The following BDKRB2 variants were observed in gnomAD, a reference collection of about 807,000 sequenced individuals.
BDKRB2 encodes bradykinin receptor B2, also known as B2 bradykinin receptor.
In BDKRB2, 6 loss-of-function variants were observed where a neutral mutation model predicts 4.0. The observed-to-expected ratio is 1.49, with a 90% CI of 0.81 to 2.93. BDKRB2 has a LOEUF of 2.93. Among genes scored for constraint, BDKRB2 ranks in the 30% most tolerant of loss-of-function variants. The pLI, the probability that BDKRB2 is intolerant of heterozygous loss-of-function variation, is 0.00. For missense variants in BDKRB2, 478 were observed against 520.1 expected (o/e 0.92, Z 0.79); for synonymous variants, 225 against 215.3 (o/e 1.05, Z -0.40).
At chr14:96,205,292 G>C (rs1566685553) in intron 1 of BDKRB2, among the ~76,000 whole-genome samples, 2 of 152,174 alleles carry the variant, frequency 1.3e-5, no homozygotes, top group Admixed American at 1.3e-4. Flanking sequence ...AGGCAGCGAG[G>C]TGTGTGTGGT....
At chr14:96,238,395 A>G (rs984181227) in intron 2 of BDKRB2, 3 of 927,284 alleles carry the variant, frequency 3.2e-6, no homozygotes, top group Non-Finnish European at 3.9e-6. Flanking sequence ...GCCCACGTCC[A>G]GGAGAAGAGG....
At chr14:96,236,990 C>T (rs561993711) in intron 1 of BDKRB2, 79 bp from the exon 2 acceptor site, 1 of 850,994 alleles carries the variant, frequency 1.2e-6, no homozygotes, top group Non-Finnish European at 2.0e-6. Context: ...GTCTCCATTT[C>T]TCCTCCCTGC....
intron 1 of BDKRB2, among the ~76,000 whole-genome samples, chr14:96,211,750 G>A (rs996964097): frequency 7.2e-5 from 11 of 152,118 alleles, no homozygotes; most frequent in Non-Finnish European, 1.0e-4. Context: ...TGTGACCTAG[G>A]GCAAGAGATG....
At chr14:96,206,031 GGAGAAGGGCTT>G (rs1890172181) in intron 1 of BDKRB2, among the ~76,000 whole-genome samples, 1 of 118,312 alleles carries the variant, frequency 8.5e-6, no homozygotes, top group East Asian at 3.2e-4. Flanking sequence ...TTTCTGAGTT[GGAGAAGGGCTT>G]AGGTGGTGGG....
chr14:96,238,988 C>T, intron 2 of BDKRB2: 1 of 985,546 alleles, frequency 1.0e-6, no homozygotes. Context: ...TGTGGGTCCC[C>T]CAGTCTGGCT....
chr14:96,208,631 G>T (rs557390410), intron 1 of BDKRB2, among the ~76,000 whole-genome samples: 1 of 152,256 alleles, frequency 6.6e-6, no homozygotes, highest in Admixed American at 6.5e-5. Flanking sequence ...GGCCTGGGGC[G>T]GTCACAGAGG....
At chr14:96,227,864 C>G (rs1460078358) in intron 1 of BDKRB2, among the ~76,000 whole-genome samples, 1 of 152,174 alleles carries the variant, frequency 6.6e-6, no homozygotes, top group African/African-American at 2.4e-5. Context: ...GACGGAACAC[C>G]CATCAGAGCC....
At chr14:96,210,829 T>G (rs960851630) in intron 1 of BDKRB2, 1 of 152,236 alleles carries the variant, frequency 6.6e-6, no homozygotes, top group Non-Finnish European at 1.5e-5. Context: ...CTCAGGGGAT[T>G]TCAGCCACAC....
intron 1 of BDKRB2, among the ~76,000 whole-genome samples, chr14:96,220,255 T>TG (rs1167259416): frequency 2.0e-5 from 3 of 151,744 alleles, no homozygotes; most frequent in African/African-American, 7.3e-5. Flanking sequence ...TCAGAGGAAA[T>TG]GCCGGGGGTA....
At chr14:96,211,779 G>A (rs547561942) in intron 1 of BDKRB2, among the ~76,000 whole-genome samples, 1 of 152,010 alleles carries the variant, frequency 6.6e-6, no homozygotes, top group Non-Finnish European at 1.5e-5. Flanking sequence ...GGGATCCTTC[G>A]GTTCCTTCAG....
intron 1 of BDKRB2, among the ~76,000 whole-genome samples, chr14:96,215,428 TA>T (rs1890395161): frequency 1.3e-5 from 2 of 150,904 alleles, no homozygotes; most frequent in Admixed American, 1.3e-4. Context: ...TCTCTGTGCA[TA>T]AAGCTTTTCC....
In BDKRB2 at chr14:96,242,698, G is replaced by T. The variant is rs1350330596; in HGVS notation, c.*1194G>T. ...TCTGATTTGTGATGAGGCAGAGGAA[G>T]ATATTTCTAATCGGTCTTGCCCAGA... On this transcript the variant is annotated 3_prime_UTR_variant, in exon 3 of 3. Transcript: ENST00000554311. 2.0e-5 allele frequency: 3 copies of T among 152,444 alleles called. No homozygotes were observed. Among genetic ancestry groups the T allele is most frequent in the East Asian group, 1.9e-4 (1 of 5,178 alleles). 9.4% of individuals were successfully genotyped at this position (152,444 alleles called of 1,614,324 possible).
chr14:96,239,751 A>T (rs1230555005), intron 2 of BDKRB2: 3 of 973,418 alleles, frequency 3.1e-6, no homozygotes, highest in Non-Finnish European at 3.7e-6. Flanking sequence ...CACACGGCTT[A>T]TAAGTAAGGC....
chr14:96,212,730 A>G (rs984805332), intron 1 of BDKRB2, among the ~76,000 whole-genome samples: 1 of 152,200 alleles, frequency 6.6e-6, no homozygotes, highest in African/African-American at 2.4e-5. Context: ...TTGCCTGGGT[A>G]GGAGTTTCCA....
chr14:96,232,905 G>A (rs1027775894), intron 1 of BDKRB2, among the ~76,000 whole-genome samples: 2 of 152,202 alleles, frequency 1.3e-5, no homozygotes, highest in South Asian at 2.1e-4. Flanking sequence ...CCACTTCCGA[G>A]TTCTTGGTTG....
In BDKRB2 at chr14:96,204,906, GC is replaced by G; in HGVS notation, c.-89del. 3.1e-6 allele frequency: 1 copy of G among 318,656 alleles called. No homozygotes were observed. Among genetic ancestry groups the G allele is most frequent in the Admixed American group, 4.0e-5 (1 of 25,232 alleles). 19.7% of individuals were successfully genotyped at this position (318,656 alleles called of 1,614,324 possible). ...GTGGGGACGGTGGGGACATCAGGCT[GC>G]CCCGCAGTACCAGGGAGCGACTGAA... is the stretch of plus-strand genomic sequence containing the variant. On this transcript the variant is annotated 5_prime_UTR_variant, in exon 1 of 3. Coordinates refer to ENST00000554311, the MANE Select transcript of BDKRB2 (RefSeq NM_001379692.1).
At chr14:96,238,816 C>T (rs552015468) in intron 2 of BDKRB2, 107 of 985,888 alleles carry the variant, frequency 1.1e-4, no homozygotes, top group South Asian at 1.4e-4. Flanking sequence ...GTCCCACAAC[C>T]CCCCTGCTCC....
At position 96,241,046 on chromosome 14, in the gene BDKRB2, A is replaced by G. The variant is rs1885275544; in HGVS notation, c.718A>G (p.Ile240Val). Residue 240 changes from isoleucine to valine, a missense_variant, in exon 3 of 3, where the codon ATC (isoleucine) becomes GTC (valine). By Grantham distance (29) the Ile-to-Val change is conservative (BLOSUM62 3). Coordinates refer to ENST00000554311, the MANE Select transcript of BDKRB2 (RefSeq NM_001379692.1). ...GGGCTTCCTGCTGCCCCTGAGTGTC[A>G]TCACCTTCTGCACGATGCAGATCAT... ...VVGFLLPLSV[I>V]TFCTMQIMQV... The G allele has an allele frequency of 6.2e-7, 1 of 1,612,328 alleles. No homozygotes were observed. Among genetic ancestry groups the G allele is most frequent in the Middle Eastern group, 1.7e-4 (1 of 6,060 alleles).
chr14:96,221,056 A>C (rs1330354030), intron 1 of BDKRB2, among the ~76,000 whole-genome samples: 1 of 152,040 alleles, frequency 6.6e-6, no homozygotes, highest in Non-Finnish European at 1.5e-5. Context: ...ACCCATCACC[A>C]GCTGTGTGAC....
Sources: allele counts gnomAD v4.1 joint callset (sites outside exome capture counted in the v4.1 genomes callset), GRCh38; gene constraint gnomAD v4.1.1; transcripts MANE v1.5; gene names NCBI Gene and HGNC (gene_info 2026-07-23, HGNC 2026-07-21).